Variants in PROS1 observed in about 807,000 individuals in gnomAD.
PROS1 encodes protein S.
A neutral mutation model predicts 75.9 loss-of-function variants in PROS1; 29 were observed. That is an observed-to-expected ratio of 0.38 (90% CI 0.28 to 0.52). The LOEUF is 0.52. PROS1 is among the 20% of genes least tolerant of loss of function. PROS1 has a pLI of 0.83. For missense variants in PROS1, 680 were observed against 810.3 expected (o/e 0.84, Z 1.95); for synonymous variants, 245 against 280.6 (o/e 0.87, Z 1.27).
At chr3:93,916,734 A>G (rs1177002640) in intron 3 of PROS1, among the ~76,000 whole-genome samples, 1 of 152,194 alleles carries the variant, frequency 6.6e-6, no homozygotes, top group Non-Finnish European at 1.5e-5. Context: ...GAGAAAGGCT[A>G]AGAAACAGAC....
At chr3:93,909,687 A>G (rs928471014) in intron 4 of PROS1, among the ~76,000 whole-genome samples, 4 of 152,212 alleles carry the variant, frequency 2.6e-5, no homozygotes, top group East Asian at 1.9e-4. Flanking sequence ...TACTCCCAAT[A>G]CTGCCTATAT....
At chr3:93,950,736 C>T (rs956485717) in intron 1 of PROS1, among the ~76,000 whole-genome samples, 1 of 152,160 alleles carries the variant, frequency 6.6e-6, no homozygotes, top group Non-Finnish European at 1.5e-5. Flanking sequence ...TCGGGAGAAA[C>T]CAGAGCAGAA....
rs1421541614 is a variant in PROS1, at chr3:93,874,405, T to C, written c.1871A>G (p.Asp624Gly). The change falls in exon 15 of 15, where the codon GAT (aspartate) becomes GGT (glycine). Residue 624 changes from aspartate (D) to glycine (G), a missense_variant and splice_region_variant. Coordinates refer to ENST00000394236, the MANE Select transcript of PROS1 (RefSeq NM_000313.4). ...KVATYLGGLP[D>G]VPFSATPVNA... Reference sequence around the variant, plus strand: ...CACTGGTGTGGCACTGAATGGAACATCTGTAAAAGGAAAATATTAGAATAT... The same window carrying C: ...CACTGGTGTGGCACTGAATGGAACACCTGTAAAAGGAAAATATTAGAATAT... 6.2e-7 allele frequency: 1 copy of C among 1,613,312 alleles called. No homozygotes were observed. The highest frequency in any genetic ancestry group is 8.5e-7 in the Non-Finnish European group (1 of 1,179,446).
chr3:93,949,241 A>C (rs1288179446), intron 1 of PROS1, among the ~76,000 whole-genome samples: 2 of 152,210 alleles, frequency 1.3e-5, no homozygotes, highest in African/African-American at 4.8e-5. Context: ...TAATATATTG[A>C]AGCCAGACCC....
chr3:93,910,046 C>T (rs1171980266), intron 4 of PROS1, among the ~76,000 whole-genome samples: 3 of 152,092 alleles, frequency 2.0e-5, no homozygotes, highest in Non-Finnish European at 2.9e-5. Flanking sequence ...GAATTTCAAT[C>T]CTGGATGTAA....
chr3:93,882,673 T>C (rs781116095), intron 12 of PROS1, among the ~76,000 whole-genome samples: 2 of 152,020 alleles, frequency 1.3e-5, no homozygotes, highest in African/African-American at 2.4e-5. Context: ...GACGTAAGAG[T>C]TTAGAAGCCC....
At chr3:93,896,405 A>G (rs564994389) in intron 9 of PROS1, among the ~76,000 whole-genome samples, 171 bp downstream of exon 9, 1 of 152,328 alleles carries the variant, frequency 6.6e-6, no homozygotes, top group Admixed American at 6.5e-5. Flanking sequence ...TGAAAATTAC[A>G]TGTGTGAAGG....
At chr3:93,919,591 G>A (rs919609646) in intron 3 of PROS1, among the ~76,000 whole-genome samples, 1 of 151,988 alleles carries the variant, frequency 6.6e-6, no homozygotes, top group Non-Finnish European at 1.5e-5. Context: ...TCTCTTGTAA[G>A]ATAAATTCTT....
chr3:93,926,632 AAAAAAT>A (rs1364014594), intron 2 of PROS1, among the ~76,000 whole-genome samples: 5 of 152,218 alleles, frequency 3.3e-5, no homozygotes, highest in Non-Finnish European at 5.9e-5. Flanking sequence ...ACTTTGTTTC[AAAAAAT>A]AAAAATAAAA....
Position 93,877,131 on chromosome 3 carries a change from A to G in PROS1, c.1705T>C (p.Ser569Pro). The stretch of plus-strand genomic sequence containing the variant: ...AATTCCAGATGAGATTGTTGATCGG[A>G]ACATAGACTTAGGGCCTGTATCCGA... Reference protein sequence around the residue: ...IYRIQALSLCSDQQSHLEFRV... With the variant: ...IYRIQALSLCPDQQSHLEFRV... Residue 569 changes from serine (S) to proline (P), a missense_variant, in exon 14 of 15, where the codon TCC becomes CCC. Coordinates refer to ENST00000394236, the MANE Select transcript of PROS1 (RefSeq NM_000313.4). 1.2e-6 allele frequency: 2 copies of G among 1,612,862 alleles called. No homozygotes were observed.
intron 1 of PROS1, among the ~76,000 whole-genome samples, chr3:93,972,073 T>C (rs923109610): frequency 1.3e-5 from 2 of 152,216 alleles, no homozygotes; most frequent in Admixed American, 6.5e-5. Flanking sequence ...ATATAATTTT[T>C]ACCTCTGCCT....
At chr3:93,925,283 A>G (rs553126999) in intron 2 of PROS1, among the ~76,000 whole-genome samples, 5 of 152,356 alleles carry the variant, frequency 3.3e-5, no homozygotes, top group African/African-American at 7.2e-5. Context: ...TAGTAAGTAC[A>G]GAACATAAGC....
chr3:93,955,410 G>A lies in PROS1; in HGVS notation c.76+18264C>T, dbSNP rs552644853. Among the ~76,000 whole-genome samples, 14 of 152,332 alleles carry A rather than the reference G, an allele frequency of 9.2e-5. No homozygotes were observed. In the East Asian group the frequency reaches 2.7e-3, roughly 29 times the overall value. ...ACTATGCAGTCATAAAAAAGGATGA[G>A]TTCATATCCTTTGCAGGGACATGGA... On this transcript the variant is annotated intron_variant, in intron 1 of 14. Coordinates refer to ENST00000394236, the MANE Select transcript of PROS1 (RefSeq NM_000313.4).
intron 9 of PROS1, among the ~76,000 whole-genome samples, chr3:93,893,662 G>A (rs1212025161): frequency 2.0e-5 from 3 of 151,426 alleles, no homozygotes; most frequent in Non-Finnish European, 4.4e-5. Context: ...GGAATCACTC[G>A]TGGAGATCTA....
At chr3:93,880,975 G>GT (rs1708268538) in intron 12 of PROS1, among the ~76,000 whole-genome samples, 1 of 152,076 alleles carries the variant, frequency 6.6e-6, no homozygotes, top group Non-Finnish European at 1.5e-5. Flanking sequence ...ACTAGGCATT[G>GT]TATCAATTTG....
At chr3:93,900,996 T>C in intron 6 of PROS1, 67 bp from the exon 7 acceptor site, 1 of 1,546,542 alleles carries the variant, frequency 6.5e-7, no homozygotes, top group Non-Finnish European at 8.8e-7. Context: ...AAAGAACCCT[T>C]GATTTGTGTT....
chr3:93,902,560 CT>C (rs1422711981), intron 6 of PROS1, among the ~76,000 whole-genome samples: 15 of 152,032 alleles, frequency 9.9e-5, no homozygotes, highest in Non-Finnish European at 4.4e-5. Context: ...CAAGACCAGC[CT>C]GGTCAACATG....
intron 1 of PROS1, among the ~76,000 whole-genome samples, chr3:93,935,530 G>A (rs1576202936): frequency 6.6e-6 from 1 of 152,030 alleles, no homozygotes; most frequent in African/African-American, 2.4e-5. Flanking sequence ...CACTTAAAAA[G>A]GCAACAGTAA....
intron 1 of PROS1, among the ~76,000 whole-genome samples, chr3:93,969,122 C>CTTTTTTTTTTTTTTTT (rs773990991): frequency 2.6e-5 from 3 of 114,332 alleles, no homozygotes; most frequent in Non-Finnish European, 5.6e-5. Context: ...CTTTTGTTTT[C>CTTTTTTTTTTTTTTTT]TTTTTTTTTT....
Sources: gnomAD v4.1 joint callset for allele counts (sites outside exome capture counted in the v4.1 genomes callset) on GRCh38, gnomAD v4.1.1 for gene constraint, MANE v1.5 for transcripts, NCBI Gene and HGNC (gene_info 2026-07-23, HGNC 2026-07-21) for gene names.